ARRB1: variants seen among roughly 807,000 people sequenced by gnomAD.
ARRB1 encodes arrestin beta 1, also known as beta-arrestin-1.
In ARRB1, 21 loss-of-function variants were observed where a neutral mutation model predicts 56.8. The observed-to-expected ratio is 0.37, with a 90% CI of 0.26 to 0.53. The LOEUF is 0.53. Ranked by LOEUF, ARRB1 falls within the 20% of genes least tolerant of loss-of-function variation. The pLI is 0.88. For synonymous variants in ARRB1, 210 were observed against 218.6 expected (o/e 0.96, Z 0.35); for missense variants, 424 against 553.7 (o/e 0.77, Z 2.35).
chr11:75,315,846 G>A (rs920852801), intron 1 of ARRB1, among the ~76,000 whole-genome samples: 2 of 152,182 alleles, frequency 1.3e-5, no homozygotes, highest in Non-Finnish European at 2.9e-5. Flanking sequence ...CCGTCAGCAG[G>A]GCTAGAATTT....
At chr11:75,284,157 C>A in intron 4 of ARRB1, 78 bp downstream of exon 4, 2 of 1,427,920 alleles carry the variant, frequency 1.4e-6, no homozygotes, top group East Asian at 2.3e-5. Flanking sequence ...TGGGGATGGG[C>A]AGGGAGTTCC....
Position 75,264,683 on chromosome 11 carries a change from C to T in ARRB1, c.*1480G>A, listed in dbSNP as rs953941769. On this transcript the variant is annotated 3_prime_UTR_variant, in exon 16 of 16. Transcript: ENST00000420843. ...AGCAGCTCTGGCTCTACCCACCAGA[C>T]CAGGAGCTCTAATGTTCACAAATTC... The T allele has an allele frequency of 6.6e-6, 1 of 152,146 alleles. No individual in the cohort carries two copies. The highest frequency in any genetic ancestry group is 6.5e-5 in the Admixed American group (1 of 15,286). 9.4% of individuals were successfully genotyped at this position (152,146 alleles called of 1,614,324 possible). A position where few individuals can be genotyped will look rare whatever the true frequency, so the allele number is the denominator to read the frequency against.
At chr11:75,344,990 G>T (rs1335431071) in intron 1 of ARRB1, among the ~76,000 whole-genome samples, 1 of 152,168 alleles carries the variant, frequency 6.6e-6, no homozygotes, top group African/African-American at 2.4e-5. Flanking sequence ...CCGCTGACTC[G>T]ACATCAGTCA....
At chr11:75,294,489 G>A (rs183576973) in intron 1 of ARRB1, among the ~76,000 whole-genome samples, 23 of 151,818 alleles carry the variant, frequency 1.5e-4, no homozygotes, top group Non-Finnish European at 2.9e-4. Context: ...CCAGGGAGGC[G>A]GAAGTTGCAG....
chr11:75,329,163 C>T (rs937916148), intron 1 of ARRB1, among the ~76,000 whole-genome samples: 1 of 148,122 alleles, frequency 6.8e-6, no homozygotes, highest in Admixed American at 6.9e-5. Flanking sequence ...ACAATTACGG[C>T]TCACAGGGCT....
At chr11:75,268,180 C>T (rs1945978477) in intron 14 of ARRB1, among the ~76,000 whole-genome samples, 1 of 152,066 alleles carries the variant, frequency 6.6e-6, no homozygotes, top group South Asian at 2.1e-4. Context: ...GTCTCAGATT[C>T]AATGAAATAT....
At chr11:75,336,629 G>C (rs1947607174) in intron 1 of ARRB1, among the ~76,000 whole-genome samples, 1 of 152,196 alleles carries the variant, frequency 6.6e-6, no homozygotes, top group Non-Finnish European at 1.5e-5. Context: ...GACTGTCCCA[G>C]GAAAATTGGG....
At chr11:75,322,282 G>T (rs975022808) in intron 1 of ARRB1, among the ~76,000 whole-genome samples, 10 of 152,240 alleles carry the variant, frequency 6.6e-5, no homozygotes, top group Non-Finnish European at 1.3e-4. Flanking sequence ...GAGGCAGATG[G>T]ATCACCTGAG....
chr11:75,293,584 C>A (rs1329229170), intron 1 of ARRB1, among the ~76,000 whole-genome samples: 1 of 152,166 alleles, frequency 6.6e-6, no homozygotes, highest in East Asian at 1.9e-4. Flanking sequence ...TCTGCCTCAT[C>A]CCCAGCCCCA....
At chr11:75,266,786 A>T (rs144393475) in intron 15 of ARRB1, among the ~76,000 whole-genome samples, 17 of 152,282 alleles carry the variant, frequency 1.1e-4, no homozygotes, top group African/African-American at 3.9e-4. Flanking sequence ...AGAGAAGACC[A>T]TGAAGAACCT....
intron 1 of ARRB1, among the ~76,000 whole-genome samples, chr11:75,297,864 CA>C (rs34831668): frequency 1.4e-4 from 4 of 29,264 alleles, no homozygotes; most frequent in African/African-American, 4.1e-4. Flanking sequence ...GACTTTGTCT[CA>C]AAAAAAAAAA....
intron 1 of ARRB1, among the ~76,000 whole-genome samples, chr11:75,346,351 G>T (rs1487829279): frequency 1.3e-5 from 2 of 152,124 alleles, no homozygotes; most frequent in Non-Finnish European, 2.9e-5. Context: ...CCTGAAAGGA[G>T]AGCACAGGGC....
At chr11:75,299,428 T>C (rs1041816567) in intron 1 of ARRB1, among the ~76,000 whole-genome samples, 1 of 151,124 alleles carries the variant, frequency 6.6e-6, no homozygotes, top group Non-Finnish European at 1.5e-5. Flanking sequence ...TCTCAAGTCT[T>C]GGAGAAAGGA....
intron 1 of ARRB1, among the ~76,000 whole-genome samples, chr11:75,327,463 A>T (rs908750374): frequency 1.3e-5 from 2 of 152,012 alleles, no homozygotes; most frequent in African/African-American, 4.8e-5. Flanking sequence ...CACATCAACC[A>T]GCAGAAAAAA....
intron 1 of ARRB1, among the ~76,000 whole-genome samples, chr11:75,322,093 G>A (rs1310923496): frequency 6.6e-6 from 1 of 152,248 alleles, no homozygotes; most frequent in East Asian, 1.9e-4. Flanking sequence ...AGCCCAGGAT[G>A]GGCACAGACC....
At chr11:75,348,661 G>A (rs906416625) in intron 1 of ARRB1, among the ~76,000 whole-genome samples, 5 of 151,782 alleles carry the variant, frequency 3.3e-5, no homozygotes, top group Non-Finnish European at 5.9e-5. Context: ...GCAGTGGCAT[G>A]ATCATGGCTC....
At chr11:75,273,615 A>C (rs1249487453) in intron 11 of ARRB1, among the ~76,000 whole-genome samples, 1 of 152,170 alleles carries the variant, frequency 6.6e-6, no homozygotes, top group Non-Finnish European at 1.5e-5. Flanking sequence ...GCTCTGCTGG[A>C]GCAGAGTAGC....
chr11:75,286,035 A>C (rs1946461330), intron 3 of ARRB1, among the ~76,000 whole-genome samples: 1 of 152,092 alleles, frequency 6.6e-6, no homozygotes, highest in Non-Finnish European at 1.5e-5. Flanking sequence ...GGAGGGGAGA[A>C]TTGGGGGTGT....
chr11:75,295,167 A>C (rs1350630992), intron 1 of ARRB1, among the ~76,000 whole-genome samples: 2 of 138,476 alleles, frequency 1.4e-5, no homozygotes, highest in South Asian at 2.6e-4. Flanking sequence ...GGTTGCAGTG[A>C]GTCAAGATTG....
Sources: allele counts gnomAD v4.1 joint callset (sites outside exome capture counted in the v4.1 genomes callset), GRCh38; gene constraint gnomAD v4.1.1; transcripts MANE v1.5; gene names NCBI Gene and HGNC (gene_info 2026-07-23, HGNC 2026-07-21).